Variants in AKAP7 observed in about 807,000 individuals in gnomAD.
AKAP7 encodes A-kinase anchoring protein 7.
AKAP7 carries 39 observed loss-of-function variants against 39.5 expected under a neutral mutation model. The observed-to-expected ratio is 0.99, with a 90% CI of 0.76 to 1.29. AKAP7 has a LOEUF of 1.29. Ranked by LOEUF, AKAP7 falls within the 50% of genes most tolerant of loss-of-function variation. AKAP7 has a pLI of 0.00. For synonymous variants in AKAP7, 140 were observed against 139.1 expected (o/e 1.01, Z -0.05); for missense variants, 414 against 407.7 (o/e 1.02, Z -0.13).
chr6:131,249,344 ACT>A (rs1479959828), intron 7 of AKAP7, among the ~76,000 whole-genome samples: 15 of 152,106 alleles, frequency 9.9e-5, no homozygotes, highest in Non-Finnish European at 2.2e-4. Context: ...CAGCATCTTC[ACT>A]GTTTTTTTTA....
intron 6 of AKAP7, among the ~76,000 whole-genome samples, chr6:131,212,848 A>C (rs1808803977): frequency 6.6e-6 from 1 of 152,232 alleles, no homozygotes; most frequent in South Asian, 2.1e-4. Context: ...AGAAAAGTAG[A>C]AAGTACCAGG....
intron 7 of AKAP7, among the ~76,000 whole-genome samples, chr6:131,277,577 G>T (rs780737594): frequency 6.6e-6 from 1 of 152,158 alleles, no homozygotes; most frequent in Non-Finnish European, 1.5e-5. Context: ...CAGGTAGTTG[G>T]CAGAAGAAAA....
At chr6:131,278,306 A>G (rs965072940) in intron 7 of AKAP7, among the ~76,000 whole-genome samples, 18 of 152,354 alleles carry the variant, frequency 1.2e-4, no homozygotes, top group African/African-American at 3.8e-4. Flanking sequence ...TAAAGAAATT[A>G]AGAAAAAAAC....
intron 7 of AKAP7, among the ~76,000 whole-genome samples, chr6:131,246,503 G>A (rs976987516): frequency 1.2e-4 from 19 of 152,172 alleles, no homozygotes; most frequent in African/African-American, 4.3e-4. Flanking sequence ...ACTGAGAAGA[G>A]TGTTAATTCC....
chr6:131,247,537 G>A (rs1812132957), intron 7 of AKAP7, among the ~76,000 whole-genome samples: 1 of 151,310 alleles, frequency 6.6e-6, no homozygotes, highest in African/African-American at 2.4e-5. Context: ...TGTTAGGCTG[G>A]TCTTGAACTC....
chr6:131,266,929 C>G (rs899973250), intron 7 of AKAP7, among the ~76,000 whole-genome samples: 7 of 152,038 alleles, frequency 4.6e-5, no homozygotes, highest in African/African-American at 1.7e-4. Flanking sequence ...GATGTACTGA[C>G]CAAATATTTC....
intron 7 of AKAP7, among the ~76,000 whole-genome samples, chr6:131,231,624 G>T (rs1460834702): frequency 2.0e-5 from 3 of 152,050 alleles, no homozygotes; most frequent in Non-Finnish European, 4.4e-5. Flanking sequence ...ATACAAATTG[G>T]GTGACCATAT....
At chr6:131,243,426 A>G (rs1209063938) in intron 7 of AKAP7, among the ~76,000 whole-genome samples, 1 of 152,176 alleles carries the variant, frequency 6.6e-6, no homozygotes, top group African/African-American at 2.4e-5. Context: ...TATCGGAGGC[A>G]TGTCAGCCGG....
chr6:131,238,681 G>T (rs1363958746), intron 7 of AKAP7, among the ~76,000 whole-genome samples: 1 of 152,060 alleles, frequency 6.6e-6, no homozygotes, highest in Non-Finnish European at 1.5e-5. Flanking sequence ...TGTCTCTTTT[G>T]ATCTTTGTTG....
At chr6:131,190,722 TAATA>T (rs1806329394) in intron 5 of AKAP7, among the ~76,000 whole-genome samples, 1 of 152,032 alleles carries the variant, frequency 6.6e-6, no homozygotes, top group Non-Finnish European at 1.5e-5. Context: ...GCAAATAAGA[TAATA>T]AATAAACATT....
At chr6:131,159,970 T>C in intron 2 of AKAP7, 89 bp from the exon 3 acceptor site, 1 of 1,184,852 alleles carries the variant, frequency 8.4e-7, no homozygotes, top group South Asian at 1.8e-5. Context: ...TGATGAATGA[T>C]TGCTACTTAT....
chr6:131,155,536 C>A (rs888021202), intron 2 of AKAP7, among the ~76,000 whole-genome samples: 1 of 152,142 alleles, frequency 6.6e-6, no homozygotes, highest in African/African-American at 2.4e-5. Context: ...TGGTGATATT[C>A]TAACTATCTT....
chr6:131,185,119 T>G, intron 5 of AKAP7: 1 of 632,004 alleles, frequency 1.6e-6, no homozygotes. Flanking sequence ...AGGGGGTCAG[T>G]GTGCAACAGA....
intron 2 of AKAP7, among the ~76,000 whole-genome samples, chr6:131,158,663 T>C (rs1054689881): frequency 2.0e-5 from 3 of 152,020 alleles, no homozygotes; most frequent in African/African-American, 7.2e-5. Context: ...TGTGCTACCA[T>C]GCCTGTCTAA....
intron 7 of AKAP7, among the ~76,000 whole-genome samples, chr6:131,278,006 A>C (rs1814883751): frequency 6.6e-6 from 1 of 152,180 alleles, no homozygotes; most frequent in South Asian, 2.1e-4. Flanking sequence ...TCTTGTTTTA[A>C]ATTTAGTATT....
chr6:131,155,567 A>G (rs1039216024), intron 2 of AKAP7, among the ~76,000 whole-genome samples: 18 of 152,186 alleles, frequency 1.2e-4, no homozygotes, highest in Admixed American at 8.5e-4. Context: ...TTAGCTTGAA[A>G]TTTCTATAAA....
chr6:131,161,982 C>T (rs371590172), intron 3 of AKAP7, among the ~76,000 whole-genome samples: 9 of 152,106 alleles, frequency 5.9e-5, no homozygotes, highest in East Asian at 1.9e-4. Context: ...GACAGATGTT[C>T]GATGAACACC....
At chr6:131,205,532 A>G (rs1006898560) in intron 6 of AKAP7, among the ~76,000 whole-genome samples, 2 of 152,180 alleles carry the variant, frequency 1.3e-5, no homozygotes, top group African/African-American at 2.4e-5. Context: ...GGAACTAAAC[A>G]TTCAATATAT....
At chr6:131,233,812 C>T (rs1313526003) in intron 7 of AKAP7, among the ~76,000 whole-genome samples, 2 of 152,176 alleles carry the variant, frequency 1.3e-5, no homozygotes, top group East Asian at 1.9e-4. Context: ...TGGATTACCT[C>T]ATGAAGTTTC....
Sources: gnomAD v4.1 joint callset for allele counts (sites outside exome capture counted in the v4.1 genomes callset) on GRCh38, gnomAD v4.1.1 for gene constraint, MANE v1.5 for transcripts, NCBI Gene and HGNC (gene_info 2026-07-23, HGNC 2026-07-21) for gene names.